Variants in ADAMTS14 observed in about 807,000 individuals in gnomAD.
The protein encoded by ADAMTS14 is A disintegrin and metalloproteinase with thrombospondin motifs 14.
ADAMTS14 carries 100 observed loss-of-function variants against 128.6 expected under a neutral mutation model. That is an observed-to-expected ratio of 0.78 (90% CI 0.66 to 0.92). The LOEUF (loss-of-function observed/expected upper bound fraction) is 0.92, where lower values mean the gene tolerates loss of function less well. Ranked by LOEUF, ADAMTS14 falls within the 40% of genes least tolerant of loss-of-function variation. ADAMTS14 has a pLI of 0.00. For missense variants in ADAMTS14, 1,562 were observed against 1,658.6 expected (o/e 0.94, Z 1.01); for synonymous variants, 665 against 653.8 (o/e 1.02, Z -0.26).
rs750470451 is a variant in ADAMTS14 at position 70,729,402 on chromosome 10, G to C, written c.954+25G>C. The C allele has an allele frequency of 7.5e-6, 12 of 1,596,400 alleles. No homozygotes were observed. The East Asian group carries it at 8.9e-5, about 12-fold the overall frequency. On this transcript the variant is annotated intron_variant, in intron 5 of 21. Coordinates refer to ENST00000373207, the MANE Select transcript of ADAMTS14 (RefSeq NM_080722.4). ...GGTAAACCACCTTGTCAGCAGGCAG[G>C]GTTTGCGGGGAGAAGGGTTGTGGGG... is the stretch of plus-strand genomic sequence containing the variant.
chr10:70,722,089 C>T (rs1376764044), intron 4 of ADAMTS14, among the ~76,000 whole-genome samples: 1 of 152,214 alleles, frequency 6.6e-6, no homozygotes, highest in Non-Finnish European at 1.5e-5. Context: ...CTCTTGCTTG[C>T]ACTGGCAGTG....
chr10:70,748,502 G>T (rs1000550173), intron 15 of ADAMTS14, among the ~76,000 whole-genome samples: 3 of 152,142 alleles, frequency 2.0e-5, no homozygotes, highest in African/African-American at 7.2e-5. Context: ...AAGGGGCGAG[G>T]CTCTTCTTTT....
rs200616225 is a variant in ADAMTS14, at chr10:70,749,943, C to T, written c.2385C>T (p.Ser795=). 7 of 1,614,126 alleles carry T rather than the reference C, an allele frequency of 4.3e-6. No individual in the cohort carries two copies. The African/African-American group carries it at 8.0e-5, about 18-fold the overall frequency. ...ATGCGGTGGAGGATGCCAAGGAAAG[C>T]CTCAAGACCAGCGGGCCCCTGCCTG... ...WEDAVEDAKE[S]LKTSGPLPEA... Residue 795 remains serine (S), a synonymous_variant, in exon 16 of 22, where the codon AGC becomes AGT. Coordinates refer to ENST00000373207, the MANE Select transcript of ADAMTS14 (RefSeq NM_080722.4).
intron 2 of ADAMTS14, among the ~76,000 whole-genome samples, chr10:70,675,440 T>G (rs1169561940): frequency 1.3e-5 from 2 of 152,074 alleles, no homozygotes; most frequent in African/African-American, 2.4e-5. Flanking sequence ...GACCCGCGAG[T>G]GTTAATGATA....
chr10:70,756,759 A>C (rs1016266840), intron 19 of ADAMTS14, among the ~76,000 whole-genome samples: 2 of 152,206 alleles, frequency 1.3e-5, no homozygotes, highest in Non-Finnish European at 2.9e-5. Context: ...TGGTCTTGGA[A>C]TTACATCAGC....
At chr10:70,753,490 C>T (rs1034302806) in intron 18 of ADAMTS14, among the ~76,000 whole-genome samples, 1 of 152,172 alleles carries the variant, frequency 6.6e-6, no homozygotes, top group Non-Finnish European at 1.5e-5. Flanking sequence ...TTGAAGTAAT[C>T]GTGATGTGAA....
chr10:70,725,222 G>A (rs1422780523), intron 4 of ADAMTS14, among the ~76,000 whole-genome samples: 1 of 152,148 alleles, frequency 6.6e-6, no homozygotes, highest in African/African-American at 2.4e-5. Flanking sequence ...GAGCAGACAT[G>A]CTCAGTGAAA....
In ADAMTS14 at chr10:70,760,898, G is replaced by T. The variant is rs778077632; in HGVS notation, c.*45G>T. Reference sequence around the variant, plus strand: ...CTGGCACGTTTACACTCTGTGTACTGCCCCGTGACTCCCAGCTCAGAGGAC... The same window carrying T: ...CTGGCACGTTTACACTCTGTGTACTTCCCCGTGACTCCCAGCTCAGAGGAC... On this transcript the variant is annotated 3_prime_UTR_variant, in exon 22 of 22. Transcript: ENST00000373207. 11 of 1,515,344 alleles carry T rather than the reference G, an allele frequency of 7.3e-6. No homozygotes were observed. The East Asian group carries it at 2.3e-4, about 31-fold the overall frequency. 93.9% of individuals were successfully genotyped at this position (1,515,344 alleles called of 1,614,324 possible). A position where few individuals can be genotyped will look rare whatever the true frequency, so the allele number is the denominator to read the frequency against.
At chr10:70,749,321 A>G (rs1415066396) in intron 15 of ADAMTS14, among the ~76,000 whole-genome samples, 1 of 152,126 alleles carries the variant, frequency 6.6e-6, no homozygotes, top group African/African-American at 2.4e-5. Flanking sequence ...AACTGGGTAC[A>G]ATGATCATTC....
chr10:70,738,959 C>G lies in ADAMTS14; in HGVS notation c.1717C>G (p.Arg573Gly). Residue 573 changes from arginine to glycine, a missense_variant, in exon 11 of 22, where the codon CGA becomes GGA. Physicochemically the swap from Arg to Gly is moderately radical, Grantham distance 125 (BLOSUM62 -2). Transcript: ENST00000373207. ...TTCGCGGTCATGTGGGGGCGGGGTG[C>G]GATCCCGCAGCCGGAGCTGCAACAA... ...SCSRSCGGGV[R>G]SRSRSCNNPS... The G allele has an allele frequency of 1.2e-6, 2 of 1,612,560 alleles. No individual in the cohort carries two copies. Among genetic ancestry groups the G allele is most frequent in the Non-Finnish European group, 1.7e-6 (2 of 1,179,128 alleles).
chr10:70,681,331 G>A (rs895212187), intron 2 of ADAMTS14, among the ~76,000 whole-genome samples: 5 of 152,162 alleles, frequency 3.3e-5, no homozygotes, highest in African/African-American at 7.2e-5. Flanking sequence ...TCAAAGCCAC[G>A]GAGTGAGAAT....
intron 2 of ADAMTS14, among the ~76,000 whole-genome samples, chr10:70,691,501 A>G (rs72814535): frequency 0.32 from 38,245 of 121,280 alleles, 10,051 homozygotes; most frequent in Non-Finnish European, 0.48. Context: ...AAAAAAAAAA[A>G]AAAAAAAACA....
rs1840277873 is a variant in ADAMTS14, at chr10:70,694,522, A to G, written c.523-7790A>G. On this transcript the variant is annotated intron_variant, in intron 2 of 21. Coordinates refer to ENST00000373207, the MANE Select transcript of ADAMTS14 (RefSeq NM_080722.4). ...GAGACTATGTGGCCTTTAGCTATTC[A>G]CCCCCGATCCAACATTACCCCAGCC... 2.0e-5 allele frequency among the ~76,000 whole-genome samples: 3 copies of G among 151,806 alleles called. No individual in the cohort carries two copies. In the South Asian group the frequency reaches 6.3e-4, roughly 32 times the overall value.
Position 70,758,109 on chromosome 10 carries a change from G to C in ADAMTS14, c.3067+18G>C. The C allele has an allele frequency of 6.2e-7, 1 of 1,612,106 alleles. No homozygotes were observed. The highest frequency in any genetic ancestry group is 8.5e-7 in the Non-Finnish European group (1 of 1,178,942). ...CTGTGGAGGTGAGCCAGAGGGGATG[G>C]GGAGGCCAGGTCCAGTCCCTTGGGC... is the stretch of plus-strand genomic sequence containing the variant. On this transcript the variant is annotated intron_variant, in intron 20 of 21. Transcript: ENST00000373207.
intron 4 of ADAMTS14, among the ~76,000 whole-genome samples, chr10:70,723,480 G>A (rs1452420117): frequency 6.6e-6 from 1 of 152,204 alleles, no homozygotes; most frequent in African/African-American, 2.4e-5. Flanking sequence ...ACTGGGTATG[G>A]GGAGTTTCTG....
chr10:70,736,864 A>G, intron 10 of ADAMTS14, 71 bp downstream of exon 10: 9 of 1,415,708 alleles, frequency 6.4e-6, no homozygotes, highest in Non-Finnish European at 8.9e-6. Flanking sequence ...ATGGGGGTGG[A>G]TCCCAGAGTG....
At position 70,702,325 on chromosome 10, in the gene ADAMTS14, G is replaced by T. The variant is rs201809345; in HGVS notation, c.536G>T (p.Arg179Leu). 2 of 1,614,150 alleles carry T rather than the reference G, an allele frequency of 1.2e-6. No individual in the cohort carries two copies. Among genetic ancestry groups the T allele is most frequent in the Non-Finnish European group, 1.7e-6 (2 of 1,180,030 alleles). The change falls in exon 3 of 22, where the codon CGC (arginine) becomes CTC (leucine). Residue 179 changes from arginine to leucine, a missense_variant. Transcript: ENST00000373207. ...SNCDGLAGLI[R>L]TDSTDFFIEP... ...TCCCTGGTTCAGGCGGGCCTCATCC[G>T]CACAGACAGCACCGACTTCTTCATT...
Position 70,751,524 on chromosome 10 carries a change from A to T in ADAMTS14, c.2474A>T (p.Lys825Met), listed in dbSNP as rs1180094011. The change falls in exon 17 of 22, where the codon AAG (lysine) becomes ATG (methionine). Residue 825 changes from lysine (K) to methionine (M), a missense_variant. Lys to Met is a moderately conservative substitution (Grantham distance 95). Coordinates refer to ENST00000373207, the MANE Select transcript of ADAMTS14 (RefSeq NM_080722.4). The stretch of plus-strand genomic sequence containing the variant: ...GGCCCCCGCAGCAGCCTGGCCTACA[A>T]GTACGTCATCCATGAGGACCTGCTG... ...EGGPRSSLAY[K>M]YVIHEDLLPL... 1 of 1,612,796 alleles carries T rather than the reference A, an allele frequency of 6.2e-7. No homozygotes were observed.
At chr10:70,706,784 T>C (rs889043047) in intron 3 of ADAMTS14, among the ~76,000 whole-genome samples, 1 of 152,224 alleles carries the variant, frequency 6.6e-6, no homozygotes, top group African/African-American at 2.4e-5. Context: ...TAAAAACAAA[T>C]GGTGACACCA....
Sources: allele counts gnomAD v4.1 joint callset (sites outside exome capture counted in the v4.1 genomes callset), GRCh38; gene constraint gnomAD v4.1.1; transcripts MANE v1.5; gene names NCBI Gene and HGNC (gene_info 2026-07-23, HGNC 2026-07-21).